EIF3M: variants seen among roughly 807,000 people sequenced by gnomAD.
EIF3M encodes B5 receptor.
EIF3M carries 25 observed loss-of-function variants against 49.7 expected under a neutral mutation model. That is an observed-to-expected ratio of 0.50 (90% CI 0.37 to 0.70). The LOEUF (loss-of-function observed/expected upper bound fraction) is 0.70, where lower values mean the gene tolerates loss of function less well. EIF3M is among the 30% of genes least tolerant of loss of function. The pLI, the probability that EIF3M is intolerant of heterozygous loss-of-function variation, is 0.00. For synonymous variants in EIF3M, 156 were observed against 149.8 expected (o/e 1.04, Z -0.30); for missense variants, 350 against 440.0 (o/e 0.80, Z 1.83).
chr11:32,584,863 A>G (rs1404461331), intron 1 of EIF3M, among the ~76,000 whole-genome samples: 1 of 152,346 alleles, frequency 6.6e-6, no homozygotes, highest in Admixed American at 6.5e-5. Context: ...CATTTTCCCC[A>G]TAACAAAAGT....
Position 32,605,451 on chromosome 11 carries a change from C to A in EIF3M, c.*3052C>A, listed in dbSNP as rs901483920. 3.3e-5 allele frequency: 5 copies of A among 152,028 alleles called. No individual in the cohort carries two copies. Among genetic ancestry groups the A allele is most frequent in the Middle Eastern group, 3.2e-3 (1 of 316 alleles). 9.4% of individuals were successfully genotyped at this position (152,028 alleles called of 1,614,324 possible). ...TTTACTCATTAGCTTCTTTTAGTTCCCAGATGCTATTACTGGAAAGAATAA... is the reference window on the plus strand; with the variant it reads ...TTTACTCATTAGCTTCTTTTAGTTCACAGATGCTATTACTGGAAAGAATAA... On this transcript the variant is annotated 3_prime_UTR_variant, in exon 11 of 11. Coordinates refer to ENST00000531120, the MANE Select transcript of EIF3M (RefSeq NM_006360.6).
At chr11:32,599,740 C>A (rs1207347881) in intron 8 of EIF3M, among the ~76,000 whole-genome samples, 1 of 151,868 alleles carries the variant, frequency 6.6e-6, no homozygotes, top group African/African-American at 2.4e-5. Flanking sequence ...CTACTTAGGA[C>A]TAGGTTATAT....
rs1340930543 is a variant in EIF3M, at chr11:32,594,980, A to T, written c.684A>T (p.Pro228=). Reference sequence around the variant, plus strand: ...TTGACCACCTTCTTACTTTAAAACCAGTCAAGTTTTTGGAAGGCGAGCTTA... The same window carrying T: ...TTGACCACCTTCTTACTTTAAAACCTGTCAAGTTTTTGGAAGGCGAGCTTA... ...FLFDHLLTLK[P]VKFLEGELIH... is the part of the protein sequence containing the mutation. Residue 228 remains proline (P), a synonymous_variant, in exon 7 of 11, where the codon CCA becomes CCT. Transcript: ENST00000531120. 6.2e-7 allele frequency: 1 copy of T among 1,613,648 alleles called. No individual in the cohort carries two copies. The highest frequency in any genetic ancestry group is 2.2e-5 in the East Asian group (1 of 44,838).
intron 2 of EIF3M, 104 bp from the exon 3 acceptor site, chr11:32,588,490 C>T (rs2133194397): frequency 7.9e-7 from 1 of 1,267,032 alleles, no homozygotes; most frequent in South Asian, 2.0e-5. Context: ...AAGTGTCTTA[C>T]ATTTGATGGT....
At position 32,583,886 on chromosome 11, in the gene EIF3M, C is replaced by G. The variant is rs201994352; in HGVS notation, c.-2C>G. ...AGTGTCCGCTGTGCCCGGGCCTGCA[C>G]CATGAGCGTCCCGGCCTTCATCGAC... On this transcript the variant is annotated 5_prime_UTR_variant, in exon 1 of 11. Transcript: ENST00000531120. 1.9e-6 allele frequency: 3 copies of G among 1,613,750 alleles called. No individual in the cohort carries two copies. Among genetic ancestry groups the G allele is most frequent in the South Asian group, 2.2e-5 (2 of 91,002 alleles).
In EIF3M at chr11:32,588,991, ATTTG is replaced by A; in HGVS notation, c.315-14_315-11del. ...TGGTTGCTGATTTCAAACATTGTTT[ATTTG>A]TTTGTTAACCAACCAGGTTAAGCAA... On this transcript the variant is annotated splice_polypyrimidine_tract_variant and intron_variant, in intron 3 of 10. Transcript: ENST00000531120. 4 of 1,611,336 alleles carry A rather than the reference ATTTG, an allele frequency of 2.5e-6. No homozygotes were observed. Among genetic ancestry groups the A allele is most frequent in the Non-Finnish European group, 3.4e-6 (4 of 1,179,288 alleles).
At chr11:32,589,700 G>A in intron 5 of EIF3M, 59 bp downstream of exon 5, 2 of 1,495,912 alleles carry the variant, frequency 1.3e-6, no homozygotes, top group South Asian at 2.3e-5. Flanking sequence ...AGGTGGGGAT[G>A]TTTTTTAAAG....
chr11:32,591,859 C>G, intron 5 of EIF3M: 1 of 243,374 alleles, frequency 4.1e-6, no homozygotes, highest in South Asian at 6.1e-5. Context: ...TGCCCCCTTT[C>G]ATGCATGGGT....
intron 4 of EIF3M, 53 bp from the exon 5 acceptor site, chr11:32,589,494 T>C (rs1269975520): frequency 4.6e-6 from 7 of 1,529,650 alleles, no homozygotes; most frequent in East Asian, 4.5e-5. Context: ...TACTTTTATA[T>C]GTTATACTTT....
At chr11:32,597,097 G>A (rs1179596857) in intron 8 of EIF3M, among the ~76,000 whole-genome samples, 1 of 152,126 alleles carries the variant, frequency 6.6e-6, no homozygotes, top group Admixed American at 6.5e-5. Context: ...ATTTAGAGAT[G>A]GAGGAGTGAG....
chr11:32,588,857 T>C (rs569935921), intron 3 of EIF3M, 125 bp downstream of exon 3: 6 of 1,546,810 alleles, frequency 3.9e-6, no homozygotes, highest in Non-Finnish European at 5.2e-6. Flanking sequence ...AGCTGTGACC[T>C]TGGGCAAGTG....
At position 32,603,152 on chromosome 11, in the gene EIF3M, T is replaced by TCA; in HGVS notation, c.*754_*755insAC. Reference sequence around the variant, plus strand: ...GGCTGATTTCCACTACCTTAGTAGTTCTGGCACCAGAAAAGTATACAATGT... The same window carrying TCA: ...GGCTGATTTCCACTACCTTAGTAGTTCACTGGCACCAGAAAAGTATACAATGT... On this transcript the variant is annotated 3_prime_UTR_variant, in exon 11 of 11. Transcript: ENST00000531120. 1 of 660,092 alleles carries TCA rather than the reference T, an allele frequency of 1.5e-6. No homozygotes were observed. The highest frequency in any genetic ancestry group is 2.6e-6 in the Non-Finnish European group (1 of 391,760). The allele number at this position is 660,092 out of a possible 1,614,324, so 40.9% of individuals were successfully genotyped here. A position where few individuals can be genotyped will look rare whatever the true frequency, so the allele number is the denominator to read the frequency against.
chr11:32,591,873 T>C, intron 5 of EIF3M: 1 of 253,036 alleles, frequency 4.0e-6, no homozygotes, highest in Non-Finnish European at 8.1e-6. Context: ...CATGGGTCCA[T>C]AATTTGGTTG....
intron 8 of EIF3M, among the ~76,000 whole-genome samples, chr11:32,597,605 A>G (rs1169750104): frequency 3.3e-5 from 5 of 152,158 alleles, no homozygotes; most frequent in African/African-American, 9.7e-5. Flanking sequence ...AACCCTACAT[A>G]TGTTCAATAT....
In EIF3M at chr11:32,588,627, T is replaced by A; in HGVS notation, c.209T>A (p.Leu70Gln). The change falls in exon 3 of 11, where the codon CTA becomes CAA. Residue 70 changes from leucine (L) to glutamine (Q), a missense_variant. Leu to Gln is a moderately radical substitution (Grantham distance 113, BLOSUM62 -2). Transcript: ENST00000531120. ...VESVMNSVVS[L>Q]LLILEPDKQE... The stretch of plus-strand genomic sequence containing the variant: ...AGTGTGATGAACAGTGTGGTATCCC[T>A]ACTCTTGATCCTGGAACCAGACAAG... 6.2e-7 allele frequency: 1 copy of A among 1,614,198 alleles called. No homozygotes were observed. The highest frequency in any genetic ancestry group is 8.5e-7 in the Non-Finnish European group (1 of 1,180,042).
chr11:32,583,972 T>A (rs1272534839), intron 1 of EIF3M, 43 bp downstream of exon 1: 1 of 1,611,008 alleles, frequency 6.2e-7, no homozygotes, highest in Admixed American at 1.7e-5. Context: ...GGGTGGGGGA[T>A]GTCCTAGTAG....
At chr11:32,594,891 T>TA in intron 6 of EIF3M, 23 bp from the exon 7 acceptor site, 1 of 1,589,796 alleles carries the variant, frequency 6.3e-7, no homozygotes, top group Middle Eastern at 1.7e-4. Context: ...ACCCTGAGCT[T>TA]ACATTTTTGT....
chr11:32,592,390 G>T, intron 5 of EIF3M: 1 of 549,520 alleles, frequency 1.8e-6, no homozygotes, highest in Non-Finnish European at 3.5e-6. Flanking sequence ...TTTCAATCTT[G>T]CGATACTTTT....
intron 3 of EIF3M, 54 bp from the exon 4 acceptor site, chr11:32,588,958 C>T: frequency 6.2e-7 from 1 of 1,601,746 alleles, no homozygotes; most frequent in Non-Finnish European, 8.5e-7. Context: ...CTAACCTCAA[C>T]TTAAAACTGG....
Sources: allele counts gnomAD v4.1 joint callset (sites outside exome capture counted in the v4.1 genomes callset), GRCh38; gene constraint gnomAD v4.1.1; transcripts MANE v1.5; gene names NCBI Gene and HGNC (gene_info 2026-07-23, HGNC 2026-07-21).